The following DCP1B variants were observed in gnomAD, a reference collection of about 807,000 sequenced individuals.
DCP1B encodes the protein mRNA-decapping enzyme 1B.
Under a neutral mutation model 60.5 loss-of-function variants are expected in DCP1B, and 47 were observed. The observed-to-expected ratio is 0.78, with a 90% CI of 0.61 to 0.99. The LOEUF (loss-of-function observed/expected upper bound fraction) is 0.99. Ranked by LOEUF, DCP1B falls within the 50% of genes least tolerant of loss-of-function variation. The probability of loss-of-function intolerance (pLI) is 0.00; values close to 1 mark genes in which losing one functional copy is unlikely to be tolerated. For missense variants in DCP1B, 725 were observed against 756.8 expected, an observed-to-expected ratio of 0.96 and a Z score of 0.49; for synonymous variants, 267 against 280.3, an observed-to-expected ratio of 0.95 and a Z score of 0.47.
At chr12:1,942,118 G>C (rs1255080114), downstream of DCP1B, among the ~76,000 whole-genome samples, 1 of 151,660 alleles carries the variant, frequency 6.6e-6, no homozygotes, top group African/African-American at 2.4e-5. Flanking sequence ...ATGGAAAGAA[G>C]AAAAAAAGCA....
downstream of DCP1B, among the ~76,000 whole-genome samples, chr12:1,942,243 A>G (rs2030298052): frequency 6.6e-6 from 1 of 152,230 alleles, no homozygotes; most frequent in Non-Finnish European, 1.5e-5. Flanking sequence ...AGAGCTAACT[A>G]TCCTAAATAT....
chr12:1,986,684 G>A (rs754268937), intron 3 of DCP1B, among the ~76,000 whole-genome samples: 6 of 151,424 alleles, frequency 4.0e-5, no homozygotes, highest in East Asian at 3.9e-4. Flanking sequence ...TTTTCCTAGC[G>A]TTCTGTGACT....
intron 3 of DCP1B, among the ~76,000 whole-genome samples, chr12:1,968,220 C>T (rs1341298059): frequency 2.6e-5 from 4 of 151,832 alleles, no homozygotes; most frequent in Admixed American, 6.6e-5. Context: ...GGCCTGGTGG[C>T]GGGCGTCCAT....
chr12:1,952,401 CT>C lies in DCP1B; in HGVS notation c.1524+14del, dbSNP rs201881946. The C allele has an allele frequency of 6.5e-4, 1,000 of 1,545,996 alleles. 7 individuals are homozygous for C. The East Asian group carries it at 0.02, about 31-fold the overall frequency. ...CTGCCCAGGCTGTTTTATTTTGCCC[CT>C]GGTACATATTTACCTGGAAAAGAGG... On this transcript the variant is annotated intron_variant, in intron 7 of 8. Coordinates refer to ENST00000280665, the MANE Select transcript of DCP1B (RefSeq NM_152640.5).
In DCP1B at chr12:1,993,270, C is replaced by T. The variant is rs2039934185; in HGVS notation, c.313G>A (p.Ala105Thr). The T allele has an allele frequency of 6.2e-7, 1 of 1,614,056 alleles. No individual in the cohort carries two copies. ...TGTAGTAAGAAAGACTCACATCTGG[C>T]ATTTCTGTAGAGAAGGAAAGGGTCC... ...LQDPFLLYRN[A>T]RLSIYGIWFY... The change falls in exon 3 of 9, where the codon GCC (alanine) becomes ACC (threonine). Residue 105 changes from alanine (A) to threonine (T), a missense_variant. Coordinates refer to ENST00000280665, the MANE Select transcript of DCP1B (RefSeq NM_152640.5).
In DCP1B at chr12:1,979,351, A is replaced by G. The variant is rs552605497; in HGVS notation, c.320-11441T>C. Among the ~76,000 whole-genome samples the G allele has an allele frequency of 3.4e-5, 5 of 147,450 alleles. No individual in the cohort carries two copies. The East Asian group carries it at 1.0e-3, about 31-fold the overall frequency. Reference sequence around the variant, plus strand: ...TGTCTTTGAGACGGAGTCTGGCTTCATCGCCCAGGCTGGAGTGCAGTGGTG... The same window carrying G: ...TGTCTTTGAGACGGAGTCTGGCTTCGTCGCCCAGGCTGGAGTGCAGTGGTG... On this transcript the variant is annotated intron_variant, in intron 3 of 8. Coordinates refer to ENST00000280665, the MANE Select transcript of DCP1B (RefSeq NM_152640.5).
At chr12:1,941,716 G>T (rs569494828), downstream of DCP1B, among the ~76,000 whole-genome samples, 1 of 152,060 alleles carries the variant, frequency 6.6e-6, no homozygotes, top group East Asian at 1.9e-4. Flanking sequence ...ATTCCTTTCT[G>T]TTTGTTAGTT....
At chr12:2,001,466 G>A (rs1032176401) in intron 1 of DCP1B, among the ~76,000 whole-genome samples, 2 of 152,136 alleles carry the variant, frequency 1.3e-5, no homozygotes, top group African/African-American at 2.4e-5. Context: ...AACCCAAAAT[G>A]GAATATAAAA....
chr12:1,954,675 C>A (rs961540371), intron 6 of DCP1B, among the ~76,000 whole-genome samples: 1 of 152,096 alleles, frequency 6.6e-6, no homozygotes, highest in Admixed American at 6.6e-5. Context: ...GCGGCAGCTA[C>A]CCCAGTCTAC....
At chr12:1,958,187 G>C (rs1293885589) in intron 5 of DCP1B, among the ~76,000 whole-genome samples, 1 of 144,514 alleles carries the variant, frequency 6.9e-6, no homozygotes, top group East Asian at 2.1e-4. Flanking sequence ...CAGGGGAAAA[G>C]CTCCCTAACG....
At chr12:1,945,718 T>C (rs1187486750), downstream of DCP1B, among the ~76,000 whole-genome samples, 1 of 151,862 alleles carries the variant, frequency 6.6e-6, no homozygotes, top group African/African-American at 2.4e-5. Flanking sequence ...AAAGAATGAG[T>C]TCTTGTCCTT....
At chr12:1,949,817 T>C (rs1437280770) in intron 7 of DCP1B, among the ~76,000 whole-genome samples, 1 of 152,138 alleles carries the variant, frequency 6.6e-6, no homozygotes. Context: ...GGGAGAGTGA[T>C]GTGTGGGTCC....
chr12:1,963,764 C>G (rs968275426), intron 5 of DCP1B, among the ~76,000 whole-genome samples: 42 of 152,194 alleles, frequency 2.8e-4, no homozygotes, highest in African/African-American at 9.4e-4. Context: ...AGTAATATTT[C>G]GAAACAACAA....
In DCP1B at chr12:2,004,233, G is replaced by T. The variant is rs140484769; in HGVS notation, c.150+49C>A. ...TCAAGTCCTGAGTCTGACGCCCCCC[G>T]CCTCCACCCCAACCCTGGGCTGCAC... On this transcript the variant is annotated intron_variant, in intron 1 of 8. Transcript: ENST00000280665. The T allele has an allele frequency of 1.7e-3, 2,737 of 1,604,720 alleles. 5 individuals are homozygous for T. The highest frequency in any genetic ancestry group is 2.0e-3 in the Non-Finnish European group (2,319 of 1,177,004).
intron 3 of DCP1B, among the ~76,000 whole-genome samples, chr12:1,990,470 TA>T (rs1237345786): frequency 4.6e-5 from 7 of 152,244 alleles, no homozygotes; most frequent in African/African-American, 1.7e-4. Flanking sequence ...TTTGGCTGAT[TA>T]AATGAAGAGA....
chr12:1,960,344 C>G (rs190289647), intron 5 of DCP1B, among the ~76,000 whole-genome samples: 3 of 152,316 alleles, frequency 2.0e-5, no homozygotes, highest in East Asian at 3.9e-4. Flanking sequence ...AGAAGCTGAA[C>G]CCACTGAAGC....
intron 5 of DCP1B, among the ~76,000 whole-genome samples, chr12:1,959,041 C>T (rs748486574): frequency 8.7e-5 from 13 of 148,984 alleles, no homozygotes; most frequent in Non-Finnish European, 1.3e-4. Flanking sequence ...AGCTCCCCAA[C>T]GTTGCTCTGG....
At chr12:1,949,528 C>T (rs2030579138) in intron 7 of DCP1B, among the ~76,000 whole-genome samples, 194 bp from the exon 8 acceptor site, 1 of 152,216 alleles carries the variant, frequency 6.6e-6, no homozygotes, top group Non-Finnish European at 1.5e-5. Context: ...GCTCTGGTAT[C>T]GTCTGCTGTG....
At chr12:1,953,751 A>G (rs1356548871) in intron 6 of DCP1B, among the ~76,000 whole-genome samples, 1 of 152,260 alleles carries the variant, frequency 6.6e-6, no homozygotes, top group Non-Finnish European at 1.5e-5. Flanking sequence ...AAGACTTTAA[A>G]TCTAACTTGA....
Sources: allele counts gnomAD v4.1 joint callset (sites outside exome capture counted in the v4.1 genomes callset), GRCh38; gene constraint gnomAD v4.1.1; transcripts MANE v1.5; gene names NCBI Gene and HGNC (gene_info 2026-07-23, HGNC 2026-07-21).